Variants in TRIM2 observed in about 807,000 individuals in gnomAD.
The protein encoded by TRIM2 is tripartite motif-containing protein 2.
A neutral mutation model predicts 75.2 loss-of-function variants in TRIM2; 20 were observed. That is an observed-to-expected ratio of 0.27 (90% CI 0.19 to 0.39). The LOEUF is 0.39. Among genes scored for constraint, TRIM2 ranks in the 10% least tolerant of loss-of-function variants. TRIM2 has a pLI of 1.00. For synonymous variants in TRIM2, 373 were observed against 388.3 expected (o/e 0.96, Z 0.46); for missense variants, 660 against 990.8 (o/e 0.67, Z 4.48).
At chr4:153,202,848 T>A (rs1311890803), upstream of TRIM2, among the ~76,000 whole-genome samples, 1 of 152,082 alleles carries the variant, frequency 6.6e-6, no homozygotes, top group Non-Finnish European at 1.5e-5. Context: ...GGCTCACACC[T>A]GTAATCCCAG....
intron 1 of TRIM2, among the ~76,000 whole-genome samples, chr4:153,258,773 A>G (rs552277040): frequency 3.3e-5 from 5 of 152,324 alleles, no homozygotes; most frequent in Admixed American, 2.0e-4. Context: ...ATATGTAAGG[A>G]GAGCCATTTG....
intron 1 of TRIM2, among the ~76,000 whole-genome samples, chr4:153,177,189 G>T (rs1176913603): frequency 6.6e-6 from 1 of 152,240 alleles, no homozygotes; most frequent in Non-Finnish European, 1.5e-5. Context: ...AAATGGGGAA[G>T]GGAACAAAAG....
chr4:153,270,571 A>C (rs1756434301), intron 2 of TRIM2, 52 bp downstream of exon 2: 2 of 1,464,296 alleles, frequency 1.4e-6, no homozygotes, highest in South Asian at 2.8e-5. Flanking sequence ...GACCTCCTAC[A>C]ACCTACTGCA....
chr4:153,318,498 A>T (rs556677080), intron 8 of TRIM2, among the ~76,000 whole-genome samples: 59 of 152,268 alleles, frequency 3.9e-4, no homozygotes, highest in African/African-American at 1.2e-3. Flanking sequence ...CATATATATA[A>T]AAATCTCCTG....
At chr4:153,287,597 T>G (rs945605672) in intron 3 of TRIM2, among the ~76,000 whole-genome samples, 1 of 152,158 alleles carries the variant, frequency 6.6e-6, no homozygotes, top group Non-Finnish European at 1.5e-5. Context: ...CATATTTTTA[T>G]TTTTCTTTAT....
chr4:153,326,802 G>T (rs933355750), intron 10 of TRIM2, among the ~76,000 whole-genome samples: 11 of 152,126 alleles, frequency 7.2e-5, no homozygotes, highest in Admixed American at 2.6e-4. Flanking sequence ...CCAACAGGGC[G>T]AAACCTCGTC....
chr4:153,334,748 C>A, intron 11 of TRIM2, 66 bp from the exon 12 acceptor site: 1 of 1,395,630 alleles, frequency 7.2e-7, no homozygotes, highest in Non-Finnish European at 9.8e-7. Context: ...CAAGAGTTTT[C>A]TAACCCATGT....
At chr4:153,297,528 T>C (rs1763011964) in intron 6 of TRIM2, among the ~76,000 whole-genome samples, 1 of 152,248 alleles carries the variant, frequency 6.6e-6, no homozygotes, top group African/African-American at 2.4e-5. Flanking sequence ...CTATTGTTTT[T>C]GTACATGTAA....
chr4:153,294,357 T>G lies in TRIM2; in HGVS notation c.658T>G (p.Leu220Val). ...LQFISEIIHQLTNQKASIVDD... is the reference protein window; with the variant it reads ...LQFISEIIHQVTNQKASIVDD... ...GTTCATCTCTGAAATCATTCATCAG[T>G]TAACCAACCAAAAGGCCAGCATCGT... Residue 220 changes from leucine to valine, a missense_variant, in exon 5 of 12, where the codon TTA becomes GTA. Physicochemically the swap from Leu to Val is conservative, Grantham distance 32 (BLOSUM62 1). Transcript: ENST00000338700. The G allele has an allele frequency of 6.2e-7, 1 of 1,614,174 alleles. No individual in the cohort carries two copies. The highest frequency in any genetic ancestry group is 8.5e-7 in the Non-Finnish European group (1 of 1,180,022).
chr4:153,254,307 A>G (rs866949312), intron 1 of TRIM2, among the ~76,000 whole-genome samples: 3 of 152,236 alleles, frequency 2.0e-5, no homozygotes, highest in Non-Finnish European at 4.4e-5. Flanking sequence ...AGTAGCGTAC[A>G]TCCTCTTCTT....
At chr4:153,327,336 A>G (rs1305305410) in intron 10 of TRIM2, among the ~76,000 whole-genome samples, 1 of 152,162 alleles carries the variant, frequency 6.6e-6, no homozygotes. Context: ...CAAGGTACTT[A>G]CCTAAAAGTA....
At position 153,275,988 on chromosome 4, in the gene TRIM2, T is replaced by C; in HGVS notation, c.311T>C (p.Leu104Pro). ...CTGCCCGAGAAAGGGGTGGCCGCGC[T>C]CCAGAACAATTTCTTCATCACAAAC... ...SILPEKGVAA[L>P]QNNFFITNLM... is the part of the protein sequence containing the mutation. Residue 104 changes from leucine to proline, a missense_variant, in exon 3 of 12, where the codon CTC becomes CCC. Leu to Pro is a moderately conservative substitution (Grantham distance 98, BLOSUM62 -3). Coordinates refer to ENST00000338700, the MANE Select transcript of TRIM2 (RefSeq NM_015271.5). The C allele has an allele frequency of 6.2e-7, 1 of 1,614,154 alleles. No homozygotes were observed. The highest frequency in any genetic ancestry group is 8.5e-7 in the Non-Finnish European group (1 of 1,180,030).
At chr4:153,273,713 AC>A (rs1317458995) in intron 2 of TRIM2, among the ~76,000 whole-genome samples, 2 of 151,940 alleles carry the variant, frequency 1.3e-5, no homozygotes, top group Non-Finnish European at 2.9e-5. Flanking sequence ...CCAGTCACTA[AC>A]CCCCTAATTG....
chr4:153,174,177 C>T (rs1172650268), intron 1 of TRIM2, among the ~76,000 whole-genome samples: 4 of 70,842 alleles, frequency 5.6e-5, no homozygotes, highest in Non-Finnish European at 8.8e-5. Context: ...TCTCCTTCTC[C>T]TTACACTTCT....
In TRIM2 at chr4:153,336,268, C is replaced by T. The variant is rs1402936013; in HGVS notation, c.*1302C>T. On this transcript the variant is annotated 3_prime_UTR_variant, in exon 12 of 12. Coordinates refer to ENST00000338700, the MANE Select transcript of TRIM2 (RefSeq NM_015271.5). ...TTAAAGCCGTCCTAGTGGAGCAAGC[C>T]CTAAAGCAGATTTAATTTTTGCCAT... 1.0e-6 allele frequency: 1 copy of T among 984,998 alleles called. No individual in the cohort carries two copies. 61.0% of individuals were successfully genotyped at this position (984,998 alleles called of 1,614,324 possible). A position where few individuals can be genotyped will look rare whatever the true frequency, so the allele number is the denominator to read the frequency against.
chr4:153,173,598 G>A (rs112104457), intron 1 of TRIM2, among the ~76,000 whole-genome samples: 3,654 of 151,810 alleles, frequency 0.024, 158 homozygotes, highest in African/African-American at 0.083. Flanking sequence ...GGGAGGCGGA[G>A]GTTGCAGTGA....
At chr4:153,276,273 A>G (rs1271988441) in intron 3 of TRIM2, 143 bp downstream of exon 3, 2 of 674,372 alleles carry the variant, frequency 3.0e-6, no homozygotes, top group African/African-American at 3.6e-5. Flanking sequence ...ACCAGCCCTC[A>G]GACTACCTGC....
At chr4:153,282,934 G>A (rs72967110) in intron 3 of TRIM2, among the ~76,000 whole-genome samples, 5,492 of 149,352 alleles carry the variant, frequency 0.037, 222 homozygotes, top group African/African-American at 0.11. Flanking sequence ...GACTATAGGC[G>A]CATGCCACCA....
rs746187978 is a variant in TRIM2 at position 153,294,485 on chromosome 4, A to C, written c.786A>C (p.Lys262Asn). ...ELEVNYGLKH[K>N]VLQSQLDTLL... ...AGGTCAACTATGGCCTCAAACACAA[A>C]GTAAGACCAGAATCATTACAGATGT... Residue 262 changes from lysine (K) to asparagine (N), a missense_variant and splice_region_variant, in exon 5 of 12, where the codon AAA becomes AAC. Lys to Asn is a moderately conservative substitution (Grantham distance 94). Transcript: ENST00000338700. The C allele has an allele frequency of 3.1e-6, 5 of 1,613,122 alleles. No individual in the cohort carries two copies. Among genetic ancestry groups the C allele is most frequent in the Non-Finnish European group, 4.2e-6 (5 of 1,179,362 alleles).
Sources: allele counts gnomAD v4.1 joint callset (sites outside exome capture counted in the v4.1 genomes callset), GRCh38; gene constraint gnomAD v4.1.1; transcripts MANE v1.5; gene names NCBI Gene and HGNC (gene_info 2026-07-23, HGNC 2026-07-21).